NLGN1: variants seen among roughly 807,000 people sequenced by gnomAD.
NLGN1 encodes neuroligin 1.
Under a neutral mutation model 65.5 loss-of-function variants are expected in NLGN1, and 12 were observed. The ratio of observed to expected loss-of-function variants is 0.18; its 90% CI spans 0.12 to 0.30. The LOEUF is 0.30. Ranked by LOEUF, NLGN1 falls within the 10% of genes least tolerant of loss-of-function variation. NLGN1 has a pLI of 1.00. For synonymous variants in NLGN1, 350 were observed against 359.5 expected (o/e 0.97, Z 0.30); for missense variants, 750 against 1,007.1 (o/e 0.74, Z 3.46).
intron 4 of NLGN1, among the ~76,000 whole-genome samples, chr3:173,940,160 C>G (rs1201045571): frequency 7.4e-6 from 1 of 135,126 alleles, no homozygotes; most frequent in African/African-American, 2.8e-5. Flanking sequence ...ACGATCTCTG[C>G]TCACTGCAAC....
chr3:173,778,245 CT>C (rs1452529343), intron 3 of NLGN1, among the ~76,000 whole-genome samples: 1 of 151,832 alleles, frequency 6.6e-6, no homozygotes, highest in Non-Finnish European at 1.5e-5. Context: ...GCTACTTTAT[CT>C]TTTCTGGCTT....
At chr3:174,283,884 TAAAC>T (rs1015288395) in exon 7 of NLGN1, 2 of 151,436 alleles carry the variant, frequency 1.3e-5, no homozygotes, top group African/African-American at 2.4e-5. Context: ...CTGTATTAAT[TAAAC>T]AAAACACAAG....
intron 3 of NLGN1, among the ~76,000 whole-genome samples, chr3:173,773,618 A>G (rs1488176265): frequency 6.6e-6 from 1 of 152,190 alleles, no homozygotes; most frequent in Non-Finnish European, 1.5e-5. Flanking sequence ...ATTTTTATTG[A>G]ATAATAATTA....
chr3:173,906,731 A>G (rs1350763708), intron 4 of NLGN1, among the ~76,000 whole-genome samples: 1 of 151,938 alleles, frequency 6.6e-6, no homozygotes, highest in African/African-American at 2.4e-5. Context: ...TGCACCCGTA[A>G]TTCCAGCTAC....
At chr3:173,951,197 A>G (rs1206713836) in intron 4 of NLGN1, among the ~76,000 whole-genome samples, 1 of 152,064 alleles carries the variant, frequency 6.6e-6, no homozygotes, top group Non-Finnish European at 1.5e-5. Flanking sequence ...GAGTTTTAGC[A>G]CAACTCTTTT....
At position 173,831,923 on chromosome 3, in the gene NLGN1, T is replaced by G. The variant is rs144059046; in HGVS notation, c.646+24091T>G. Among the ~76,000 whole-genome samples the G allele has an allele frequency of 1.3e-3, 198 of 151,428 alleles. 1 individual carries two copies. Among genetic ancestry groups the G allele is most frequent in the African/African-American group, 4.3e-3 (178 of 41,190 alleles). ...AGTAAACAGGCTATCTTTATAATTA[T>G]TATTTTTCATACAGCTAAGTCTATA... On this transcript the variant is annotated intron_variant, in intron 4 of 6. Transcript: ENST00000457714.
In NLGN1 at chr3:173,751,382, A is replaced by G. The variant is rs1037069096; in HGVS notation, c.494-56298A>G. Among the ~76,000 whole-genome samples the G allele has an allele frequency of 2.0e-5, 3 of 152,236 alleles. No individual in the cohort carries two copies. In the East Asian group the frequency reaches 5.8e-4, roughly 29 times the overall value. On this transcript the variant is annotated intron_variant, in intron 3 of 6. Transcript: ENST00000457714. ...TATATAGCCGTAACTTGTTGATTTA[A>G]TCTAACATTGATTAATTTTCTCAAA...
intron 4 of NLGN1, among the ~76,000 whole-genome samples, chr3:174,088,915 G>GTACC (rs1175323018): frequency 6.6e-6 from 1 of 151,964 alleles, no homozygotes; most frequent in Non-Finnish European, 1.5e-5. Flanking sequence ...TCTCTGCAGA[G>GTACC]TACCTATTTT....
At chr3:174,224,079 G>A (rs931491384) in intron 4 of NLGN1, among the ~76,000 whole-genome samples, 4 of 151,954 alleles carry the variant, frequency 2.6e-5, no homozygotes, top group African/African-American at 9.7e-5. Flanking sequence ...TGAATATTTA[G>A]TCCATCTTCT....
chr3:174,019,727 G>A (rs34727632), intron 4 of NLGN1, among the ~76,000 whole-genome samples: 40,356 of 151,830 alleles, frequency 0.27, 6,428 homozygotes, highest in African/African-American at 0.44. Flanking sequence ...GCATTATTTT[G>A]CTATTAAGAA....
chr3:173,847,603 T>G (rs1323429046), intron 4 of NLGN1, among the ~76,000 whole-genome samples: 1 of 152,122 alleles, frequency 6.6e-6, no homozygotes, highest in Non-Finnish European at 1.5e-5. Flanking sequence ...ATATATTATA[T>G]TTTAAAATGT....
At chr3:173,446,382 A>G (rs1001158366) in intron 2 of NLGN1, among the ~76,000 whole-genome samples, 14 of 152,168 alleles carry the variant, frequency 9.2e-5, no homozygotes, top group Non-Finnish European at 1.6e-4. Flanking sequence ...ATGTCCCTAC[A>G]AAGGACATGA....
At chr3:173,604,626 A>G (rs769273047) in exon 3 of NLGN1, 1 of 1,613,550 alleles carries the variant, frequency 6.2e-7, no homozygotes, top group East Asian at 2.2e-5. Context: ...CACGTGGCCA[A>G]ATTATGTTTG....
chr3:173,718,492 G>A (rs187979841), intron 3 of NLGN1, among the ~76,000 whole-genome samples: 3 of 152,098 alleles, frequency 2.0e-5, no homozygotes, highest in South Asian at 2.1e-4. Flanking sequence ...TTAGTAAATC[G>A]ATTTTATAAT....
At chr3:174,019,016 A>G (rs911407193) in intron 4 of NLGN1, among the ~76,000 whole-genome samples, 7 of 152,180 alleles carry the variant, frequency 4.6e-5, no homozygotes, top group Admixed American at 1.3e-4. Flanking sequence ...TGTTCATTGT[A>G]TCAAAAATAA....
At chr3:173,997,865 T>G (rs1432882393) in intron 4 of NLGN1, among the ~76,000 whole-genome samples, 1 of 152,148 alleles carries the variant, frequency 6.6e-6, no homozygotes, top group Non-Finnish European at 1.5e-5. Context: ...GTATTTTGGT[T>G]CTAGTATCTA....
chr3:173,797,279 G>T (rs574498215), intron 3 of NLGN1, among the ~76,000 whole-genome samples: 27 of 152,098 alleles, frequency 1.8e-4, no homozygotes, highest in African/African-American at 5.8e-4. Context: ...AATCAGTTTT[G>T]CCCAAAACTG....
intron 1 of NLGN1, among the ~76,000 whole-genome samples, chr3:173,415,943 A>AGAGAGAGAGAGCGC (rs141095727): frequency 3.5e-5 from 5 of 142,888 alleles, no homozygotes; most frequent in African/African-American, 1.4e-4. Flanking sequence ...AGAGAGAGAG[A>AGAGAGAGAGAGCGC]GCTTGGTATA....
chr3:174,008,780 C>A (rs1724950299), intron 4 of NLGN1, among the ~76,000 whole-genome samples: 1 of 151,866 alleles, frequency 6.6e-6, no homozygotes, highest in African/African-American at 2.4e-5. Context: ...ATGTAAGGTC[C>A]TTTCACAATC....
Sources: allele counts gnomAD v4.1 joint callset (sites outside exome capture counted in the v4.1 genomes callset), GRCh38; gene constraint gnomAD v4.1.1; transcripts MANE v1.5; gene names NCBI Gene and HGNC (gene_info 2026-07-23, HGNC 2026-07-21).